Variants in SCEL observed in about 807,000 individuals in gnomAD.
SCEL encodes the protein sciellin.
SCEL carries 113 observed loss-of-function variants against 117.6 expected under a neutral mutation model. That is an observed-to-expected ratio of 0.96 (90% CI 0.83 to 1.12). The LOEUF is 1.12. Among genes scored for constraint, SCEL ranks in the 50% most tolerant of loss-of-function variants. The pLI is 0.00. For missense variants in SCEL, 785 were observed against 810.8 expected, an observed-to-expected ratio of 0.97 and a Z score of 0.39; for synonymous variants, 270 against 256.2, an observed-to-expected ratio of 1.05 and a Z score of -0.51.
chr13:77,631,195 T>G (rs1182666711), intron 28 of SCEL, among the ~76,000 whole-genome samples: 2 of 152,196 alleles, frequency 1.3e-5, no homozygotes, highest in African/African-American at 4.8e-5. Context: ...CCCAGTAGCA[T>G]TTTAAAAGGC....
chr13:77,582,427 C>A (rs1463974251), intron 9 of SCEL, among the ~76,000 whole-genome samples: 1 of 152,106 alleles, frequency 6.6e-6, no homozygotes, highest in East Asian at 1.9e-4. Context: ...GGGGTTTCAC[C>A]ATGTTGGTCA....
At chr13:77,554,434 A>G (rs751366049) in intron 1 of SCEL, among the ~76,000 whole-genome samples, 1 of 152,256 alleles carries the variant, frequency 6.6e-6, no homozygotes, top group Non-Finnish European at 1.5e-5. Context: ...CTGCAGTGCT[A>G]CTGACATTCC....
chr13:77,555,028 C>A (rs2084571658), intron 1 of SCEL, among the ~76,000 whole-genome samples: 1 of 152,016 alleles, frequency 6.6e-6, no homozygotes, highest in Non-Finnish European at 1.5e-5. Context: ...CTTTCAATCA[C>A]AAGAAAAATA....
chr13:77,628,170 GTATA>G (rs67297453), intron 28 of SCEL, among the ~76,000 whole-genome samples, 161 bp downstream of exon 28: 91 of 139,528 alleles, frequency 6.5e-4, no homozygotes, highest in Non-Finnish European at 8.1e-4. Flanking sequence ...ATATGTGTGT[GTATA>G]TATATATATA....
chr13:77,641,633 A>C (rs776072665), intron 31 of SCEL, among the ~76,000 whole-genome samples: 7 of 152,198 alleles, frequency 4.6e-5, no homozygotes, highest in Non-Finnish European at 1.0e-4. Flanking sequence ...ATTATTGGGC[A>C]TTGGTATTTT....
At chr13:77,558,235 G>GC (rs1442453532) in intron 3 of SCEL, among the ~76,000 whole-genome samples, 2 of 152,194 alleles carry the variant, frequency 1.3e-5, no homozygotes, top group Non-Finnish European at 2.9e-5. Context: ...AAAACCCAGG[G>GC]AAGCCAGCTT....
chr13:77,567,560 AAATAG>A (rs2085357112), intron 5 of SCEL, 115 bp from the exon 6 acceptor site: 1 of 691,588 alleles, frequency 1.4e-6, no homozygotes, highest in Non-Finnish European at 2.4e-6. Context: ...AACACTTGAA[AAATAG>A]TTCTCTTTAC....
Position 77,603,098 on chromosome 13 carries a change from A to G in SCEL, c.1060A>G (p.Thr354Ala). 1 of 1,565,396 alleles carries G rather than the reference A, an allele frequency of 6.4e-7. No individual in the cohort carries two copies. Among genetic ancestry groups the G allele is most frequent in the Non-Finnish European group, 8.7e-7 (1 of 1,155,644 alleles). Reference sequence around the variant, plus strand: ...AAGAAGTGAAGACCTTGATAATGCTACTGAAGTAAATCCCAAAGGACATGA... The same window carrying G: ...AAGAAGTGAAGACCTTGATAATGCTGCTGAAGTAAATCCCAAAGGACATGA... ...SRRSEDLDNA[T>A]EVNPKGHENT... is the part of the protein sequence containing the mutation. Residue 354 changes from threonine to alanine, a missense_variant, in exon 18 of 33, where the codon ACT becomes GCT. By Grantham distance (58) the Thr-to-Ala change is moderately conservative. Coordinates refer to ENST00000349847, the MANE Select transcript of SCEL (RefSeq NM_144777.3).
intron 4 of SCEL, 80 bp from the exon 5 acceptor site, chr13:77,563,751 C>A: frequency 9.9e-7 from 1 of 1,012,456 alleles, no homozygotes; most frequent in Non-Finnish European, 1.5e-6. Context: ...AAAATATTGC[C>A]ATATGTATGA....
At chr13:77,555,330 T>G (rs534340397) in intron 1 of SCEL, among the ~76,000 whole-genome samples, 2 of 152,310 alleles carry the variant, frequency 1.3e-5, no homozygotes, top group African/African-American at 4.8e-5. Flanking sequence ...TTTCTCCAAG[T>G]CTGTGATTTC....
chr13:77,616,966 AAACAAGGGGTTATGCTG>A (rs1028844057), intron 24 of SCEL, among the ~76,000 whole-genome samples: 2 of 152,068 alleles, frequency 1.3e-5, no homozygotes, highest in African/African-American at 2.4e-5. Flanking sequence ...CCCACCCTTA[AAACAAGGGGTTATGCTG>A]AGGCAGTGAA....
chr13:77,621,878 A>G (rs1457137817), intron 27 of SCEL, among the ~76,000 whole-genome samples: 1 of 152,212 alleles, frequency 6.6e-6, no homozygotes, highest in East Asian at 1.9e-4. Context: ...ACTATAGTGA[A>G]TGGGAGCCAC....
chr13:77,556,625 C>A lies in SCEL; in HGVS notation c.73C>A (p.Arg25=). The change falls in exon 3 of 33, where the codon CGG becomes AGG. Residue 25 remains arginine, a synonymous_variant. Transcript: ENST00000349847. ...EMKSTTQGTT[R]KQQDFHEVNK... ...GAAGAGCACCACTCAGGGAACCACA[C>A]GGAAGCAGCAGGATTTTCACGAGGT... The A allele has an allele frequency of 1.2e-6, 2 of 1,613,878 alleles. No individual in the cohort carries two copies. Among genetic ancestry groups the A allele is most frequent in the Non-Finnish European group, 1.7e-6 (2 of 1,179,826 alleles).
chr13:77,576,249 A>G (rs1337769286), intron 9 of SCEL, among the ~76,000 whole-genome samples: 2 of 152,234 alleles, frequency 1.3e-5, no homozygotes, highest in African/African-American at 4.8e-5. Context: ...GTGACCCTTC[A>G]AAGGGCACCA....
chr13:77,616,769 A>G (rs544721685), intron 24 of SCEL, among the ~76,000 whole-genome samples: 23 of 150,522 alleles, frequency 1.5e-4, no homozygotes, highest in Non-Finnish European at 3.2e-4. Context: ...TGAGGAATAA[A>G]ATGTATTTTA....
At position 77,572,104 on chromosome 13, in the gene SCEL, A is replaced by G. The variant is rs1468079457; in HGVS notation, c.480-20A>G. 1 of 1,605,168 alleles carries G rather than the reference A, an allele frequency of 6.2e-7. No individual in the cohort carries two copies. Among genetic ancestry groups the G allele is most frequent in the Non-Finnish European group, 8.5e-7 (1 of 1,172,166 alleles). ...CAGCCTTTCAATCACAATGTTTATT[A>G]CCGTGTCATTTCTTAACAGGCAGTC... is the stretch of plus-strand genomic sequence containing the variant. On this transcript the variant is annotated intron_variant, in intron 8 of 32. Coordinates refer to ENST00000349847, the MANE Select transcript of SCEL (RefSeq NM_144777.3).
At chr13:77,607,107 C>T (rs1232905118) in intron 19 of SCEL, among the ~76,000 whole-genome samples, 1 of 152,136 alleles carries the variant, frequency 6.6e-6, no homozygotes, top group Non-Finnish European at 1.5e-5. Flanking sequence ...GGTGCAATCA[C>T]AGCTCACTGC....
At chr13:77,621,740 T>C (rs951423255) in intron 27 of SCEL, among the ~76,000 whole-genome samples, 1 of 152,204 alleles carries the variant, frequency 6.6e-6, no homozygotes, top group African/African-American at 2.4e-5. Flanking sequence ...TTAGAGAAAG[T>C]CTAGCCTTCC....
chr13:77,628,099 TATA>T lies in SCEL; in HGVS notation c.1691+94_1691+96del, dbSNP rs1162709554. On this transcript the variant is annotated intron_variant, in intron 28 of 32. Coordinates refer to ENST00000349847, the MANE Select transcript of SCEL (RefSeq NM_144777.3). Reference sequence around the variant, plus strand: ...GCCTTAGAAGATTATATATATAAAATATAATATTATATATTATGTAATATATAA... The same window carrying T: ...GCCTTAGAAGATTATATATATAAAATATATTATATATTATGTAATATATAA... The T allele has an allele frequency of 5.0e-5, 12 of 240,732 alleles. No homozygotes were observed. In the Admixed American group the frequency reaches 6.0e-4, roughly 12 times the overall value. The allele number at this position is 240,732 out of a possible 1,614,324, so 14.9% of individuals were successfully genotyped here.
Sources: allele counts gnomAD v4.1 joint callset (sites outside exome capture counted in the v4.1 genomes callset), GRCh38; gene constraint gnomAD v4.1.1; transcripts MANE v1.5; gene names NCBI Gene and HGNC (gene_info 2026-07-23, HGNC 2026-07-21).